The following KSR2 variants were observed in gnomAD, a reference collection of about 807,000 sequenced individuals.
KSR2 encodes kinase suppressor of ras 2.
A neutral mutation model predicts 107.8 loss-of-function variants in KSR2; 25 were observed. That is an observed-to-expected ratio of 0.23 (90% confidence interval 0.17 to 0.32). KSR2 has a LOEUF of 0.32. Among genes scored for constraint, KSR2 ranks in the 10% least tolerant of loss-of-function variants. The pLI, the probability that KSR2 is intolerant of heterozygous loss-of-function variation, is 1.00. For missense variants in KSR2, 887 were observed against 1,268.9 expected (o/e 0.70, Z 4.57); for synonymous variants, 480 against 507.0 (o/e 0.95, Z 0.71).
intron 3 of KSR2, among the ~76,000 whole-genome samples, chr12:117,798,763 C>T (rs1411157615): frequency 6.7e-6 from 1 of 149,098 alleles, no homozygotes; most frequent in Non-Finnish European, 1.5e-5. Flanking sequence ...AAAACAGAGA[C>T]TCAAACAGCT....
At chr12:117,635,463 G>T (rs1382254861) in intron 5 of KSR2, among the ~76,000 whole-genome samples, 2 of 152,110 alleles carry the variant, frequency 1.3e-5, no homozygotes, top group Non-Finnish European at 2.9e-5. Flanking sequence ...AACAAAGATT[G>T]CCAGTCAATG....
intron 4 of KSR2, among the ~76,000 whole-genome samples, chr12:117,669,531 T>C (rs1944883327): frequency 6.6e-6 from 1 of 151,564 alleles, no homozygotes; most frequent in Admixed American, 6.6e-5. Flanking sequence ...TATTTTTGTA[T>C]GCATCAAATG....
intron 4 of KSR2, among the ~76,000 whole-genome samples, chr12:117,714,798 G>A (rs1470364297): frequency 1.3e-5 from 2 of 152,200 alleles, no homozygotes; most frequent in Non-Finnish European, 2.9e-5. Flanking sequence ...CCGTCATCTA[G>A]TGGATAGAGA....
At chr12:117,691,298 C>T (rs1375055896) in intron 4 of KSR2, among the ~76,000 whole-genome samples, 1 of 152,100 alleles carries the variant, frequency 6.6e-6, no homozygotes. Context: ...ACTTTTAGGT[C>T]CTTGGGAAAT....
intron 9 of KSR2, among the ~76,000 whole-genome samples, chr12:117,540,388 G>A (rs1052958741): frequency 1.3e-5 from 2 of 152,178 alleles, no homozygotes; most frequent in African/African-American, 4.8e-5. Context: ...AGGAGAGAGA[G>A]AGAATCCATG....
chr12:117,757,054 CAAAA>C, intron 4 of KSR2, among the ~76,000 whole-genome samples: 1 of 137,518 alleles, frequency 7.3e-6, no homozygotes, highest in African/African-American at 2.7e-5. Flanking sequence ...GACTCCATCT[CAAAA>C]AAAAAAAAAA....
intron 14 of KSR2, among the ~76,000 whole-genome samples, chr12:117,520,655 A>AAT (rs912230638): frequency 6.6e-6 from 1 of 152,150 alleles, no homozygotes; most frequent in African/African-American, 2.4e-5. Context: ...CACTAGGCAA[A>AAT]ATATCTCCCT....
chr12:117,814,222 A>G (rs1891294385), intron 3 of KSR2, among the ~76,000 whole-genome samples: 1 of 152,172 alleles, frequency 6.6e-6, no homozygotes, highest in African/African-American at 2.4e-5. Context: ...TACAGTTAAC[A>G]ATAATATATA....
intron 4 of KSR2, among the ~76,000 whole-genome samples, chr12:117,729,639 A>G (rs953920502): frequency 3.3e-5 from 5 of 152,106 alleles, no homozygotes; most frequent in African/African-American, 1.2e-4. Flanking sequence ...TCGGCTTCCA[A>G]TGCTGGGAAG....
intron 5 of KSR2, among the ~76,000 whole-genome samples, chr12:117,656,408 G>A (rs920860262): frequency 2.6e-5 from 4 of 152,212 alleles, no homozygotes; most frequent in Admixed American, 6.5e-5. Flanking sequence ...TTGGGAGTTC[G>A]AGACAAGCCT....
chr12:117,460,089 T>G lies in KSR2; in HGVS notation c.*7110A>C, dbSNP rs756648287. On this transcript the variant is annotated 3_prime_UTR_variant, in exon 20 of 20. Transcript: ENST00000339824. ...CCTAAGCATTTCCAATGCATGCTTG[T>G]CCCAGGACCCTTTCAATAATGCAAA... 4.6e-5 allele frequency: 7 copies of G among 152,228 alleles called. No homozygotes were observed. The highest frequency in any genetic ancestry group is 7.2e-5 in the African/African-American group (3 of 41,462). The allele number at this position is 152,228 out of a possible 1,614,324, so 9.4% of individuals were successfully genotyped here. A position where few individuals can be genotyped will look rare whatever the true frequency, so the allele number is the denominator to read the frequency against.
At chr12:117,648,666 G>C (rs1338947175) in intron 5 of KSR2, among the ~76,000 whole-genome samples, 1 of 152,180 alleles carries the variant, frequency 6.6e-6, no homozygotes, top group Non-Finnish European at 1.5e-5. Flanking sequence ...GTATACATCA[G>C]GAAACTGAGG....
chr12:117,756,278 G>A (rs1228960080), intron 4 of KSR2, among the ~76,000 whole-genome samples: 3 of 152,212 alleles, frequency 2.0e-5, no homozygotes, highest in African/African-American at 7.2e-5. Context: ...GTCAGTGCCT[G>A]GCTTCAAAGC....
intron 4 of KSR2, among the ~76,000 whole-genome samples, chr12:117,687,157 T>G (rs535599454): frequency 6.6e-6 from 1 of 152,344 alleles, no homozygotes; most frequent in African/African-American, 2.4e-5. Context: ...GGTCAGAATC[T>G]GTGTGGTTTC....
intron 4 of KSR2, among the ~76,000 whole-genome samples, chr12:117,753,650 TG>T (rs1487363504): frequency 3.9e-5 from 6 of 151,906 alleles, no homozygotes; most frequent in Admixed American, 3.3e-4. Context: ...CAACACACAC[TG>T]GGGCCTTCCG....
At chr12:117,492,446 G>A (rs1872795148) in intron 14 of KSR2, among the ~76,000 whole-genome samples, 1 of 152,156 alleles carries the variant, frequency 6.6e-6, no homozygotes, top group African/African-American at 2.4e-5. Flanking sequence ...TTTTCTGGGA[G>A]CAGCCACCTC....
chr12:117,570,072 G>A (rs1386932394), intron 7 of KSR2, among the ~76,000 whole-genome samples: 2 of 151,168 alleles, frequency 1.3e-5, no homozygotes, highest in Non-Finnish European at 2.9e-5. Context: ...GCGTGATCCC[G>A]GCTCACTGCA....
intron 3 of KSR2, among the ~76,000 whole-genome samples, chr12:117,829,901 T>A (rs1891896144): frequency 6.6e-6 from 1 of 152,192 alleles, no homozygotes; most frequent in African/African-American, 2.4e-5. Context: ...CTTCCTCTAT[T>A]TTCCTCTAAA....
chr12:117,754,705 G>A (rs1324221210), intron 4 of KSR2, among the ~76,000 whole-genome samples: 1 of 152,098 alleles, frequency 6.6e-6, no homozygotes, highest in Non-Finnish European at 1.5e-5. Context: ...GGAGGCTGAG[G>A]CAGGAGAATC....
Sources: gnomAD v4.1 joint callset for allele counts (sites outside exome capture counted in the v4.1 genomes callset) on GRCh38, gnomAD v4.1.1 for gene constraint, MANE v1.5 for transcripts, NCBI Gene and HGNC (gene_info 2026-07-23, HGNC 2026-07-21) for gene names.